Variants in GABRG1 observed in about 807,000 individuals in gnomAD.
GABRG1 encodes the protein gamma-aminobutyric acid type A receptor subunit gamma1, also known as gamma-aminobutyric acid receptor subunit gamma-1.
Under a neutral mutation model 49.8 loss-of-function variants are expected in GABRG1, and 49 were observed. The observed-to-expected ratio is 0.98, with a 90% confidence interval of 0.78 to 1.25. The LOEUF is 1.25. GABRG1 is among the 50% of genes most tolerant of loss of function. GABRG1 has a pLI of 0.00. For synonymous variants in GABRG1, 232 were observed against 185.1 expected (o/e 1.25, Z -2.06); for missense variants, 552 against 552.3 (o/e 1.00, Z 0.01).
At chr4:46,099,888 C>G (rs552871834) in intron 1 of GABRG1, among the ~76,000 whole-genome samples, 2 of 151,788 alleles carry the variant, frequency 1.3e-5, no homozygotes, top group Non-Finnish European at 2.9e-5. Context: ...AACACTGCTA[C>G]TCTGGTAGAA....
In GABRG1 at chr4:46,037,151, G is replaced by T. The variant is rs1024096139; in HGVS notation, c.*3837C>A. 1 of 151,746 alleles carries T rather than the reference G, an allele frequency of 6.6e-6. No homozygotes were observed. Among genetic ancestry groups the T allele is most frequent in the Non-Finnish European group, 1.5e-5 (1 of 67,828 alleles). The allele number at this position is 151,746 out of a possible 1,614,324, so 9.4% of individuals were successfully genotyped here. ...TCTCATCTTTCTGACTACATTATAT[G>T]TTCCTTGAAAGTCATCTTTATATTC... On this transcript the variant is annotated 3_prime_UTR_variant, in exon 9 of 9. Transcript: ENST00000295452.
At chr4:46,103,833 A>G (rs751690574) in intron 1 of GABRG1, among the ~76,000 whole-genome samples, 11 of 151,450 alleles carry the variant, frequency 7.3e-5, no homozygotes, top group East Asian at 3.9e-4. Flanking sequence ...GAGAAAAAGC[A>G]TAAGTGGTTA....
chr4:46,058,327 C>A lies in GABRG1; in HGVS notation c.806G>T (p.Arg269Ile), dbSNP rs768534395. The change falls in exon 7 of 9, where the codon AGA (arginine) becomes ATA (isoleucine). Residue 269 changes from arginine to isoleucine, a missense_variant. Coordinates refer to ENST00000295452, the MANE Select transcript of GABRG1 (RefSeq NM_173536.4). ...GGTCTGAATAGTGAAATATCCCATT[C>A]TTCTGCTCAGGTCAAAAAAAATTGT... is the stretch of plus-strand genomic sequence containing the variant. ...IMTIFFDLSR[R>I]MGYFTIQTYI... 2 of 1,612,914 alleles carry A rather than the reference C, an allele frequency of 1.2e-6. No homozygotes were observed. The highest frequency in any genetic ancestry group is 2.2e-5 in the East Asian group (1 of 44,796).
chr4:46,042,471 A>G (rs771686506), intron 8 of GABRG1, among the ~76,000 whole-genome samples: 1 of 151,924 alleles, frequency 6.6e-6, no homozygotes, highest in Non-Finnish European at 1.5e-5. Flanking sequence ...GTATTCAGCA[A>G]TTTCACTCTC....
chr4:46,109,552 T>C (rs923724294), intron 1 of GABRG1, among the ~76,000 whole-genome samples: 2 of 151,154 alleles, frequency 1.3e-5, no homozygotes, highest in Admixed American at 1.3e-4. Context: ...TTTCTTCTGC[T>C]AGTTTTGTGG....
At chr4:46,052,274 A>G (rs1039650240) in intron 7 of GABRG1, among the ~76,000 whole-genome samples, 4 of 149,114 alleles carry the variant, frequency 2.7e-5, no homozygotes, top group East Asian at 2.2e-4. Context: ...CATAAGCAAC[A>G]GATATTCTTC....
intron 7 of GABRG1, among the ~76,000 whole-genome samples, chr4:46,052,708 C>G (rs759002646): frequency 5.7e-4 from 86 of 151,886 alleles, no homozygotes; most frequent in Non-Finnish European, 9.6e-4. Context: ...ATTGTTTACT[C>G]TCTTAAAAGT....
intron 1 of GABRG1, among the ~76,000 whole-genome samples, chr4:46,104,210 G>C (rs1051065108): frequency 1.3e-5 from 2 of 151,344 alleles, no homozygotes; most frequent in East Asian, 3.9e-4. Flanking sequence ...CAGTTACTTA[G>C]AGAAATGACT....
At chr4:46,074,708 C>CT (rs1241110665) in intron 3 of GABRG1, among the ~76,000 whole-genome samples, 16 of 152,096 alleles carry the variant, frequency 1.1e-4, no homozygotes, top group African/African-American at 3.9e-4. Flanking sequence ...TAAGACAAAC[C>CT]TTTACTACAT....
chr4:46,051,273 G>A (rs961266097), intron 8 of GABRG1, 151 bp downstream of exon 8: 1 of 592,072 alleles, frequency 1.7e-6, no homozygotes, highest in South Asian at 2.2e-5. Flanking sequence ...TTCTTGGTGA[G>A]CAATGTTAGG....
At chr4:46,101,779 C>A (rs1720387871) in intron 1 of GABRG1, among the ~76,000 whole-genome samples, 1 of 151,562 alleles carries the variant, frequency 6.6e-6, no homozygotes, top group Admixed American at 6.6e-5. Flanking sequence ...ACAAAAAGTA[C>A]ACATCTATTG....
In GABRG1 at chr4:46,118,121, CGT is replaced by C. The variant is rs922561838; in HGVS notation, c.104+5687_104+5688del. Among the ~76,000 whole-genome samples, 72 of 84,448 alleles carry C rather than the reference CGT, an allele frequency of 8.5e-4. 12 individuals carry two copies. Among genetic ancestry groups the C allele is most frequent in the African/African-American group, 4.1e-3 (61 of 14,706 alleles). 55.4% of individuals were successfully genotyped at this position (84,448 alleles called of 152,430 possible). A position where few individuals can be genotyped will look rare whatever the true frequency, so the allele number is the denominator to read the frequency against. On this transcript the variant is annotated intron_variant, in intron 1 of 8. Transcript: ENST00000295452. ...ATATGTGTGTATATATACATATATACGTGTGTGTGTGTATATATATATATACA... is the reference window on the plus strand; with the variant it reads ...ATATGTGTGTATATATACATATATACGTGTGTGTGTATATATATATATACA...
chr4:46,079,455 T>C (rs929211597), intron 3 of GABRG1, among the ~76,000 whole-genome samples: 18 of 151,964 alleles, frequency 1.2e-4, no homozygotes. Flanking sequence ...CTGTGTGATA[T>C]ATCACTTTTG....
chr4:46,078,144 G>T (rs144652710), intron 3 of GABRG1, among the ~76,000 whole-genome samples: 21 of 151,786 alleles, frequency 1.4e-4, no homozygotes, highest in African/African-American at 4.6e-4. Context: ...TTAAAATACT[G>T]CAAACACCAA....
At chr4:46,094,724 G>T (rs1012182401) in intron 2 of GABRG1, among the ~76,000 whole-genome samples, 1 of 151,714 alleles carries the variant, frequency 6.6e-6, no homozygotes. Context: ...ATTTCTCCCC[G>T]ACCACAAAAT....
At chr4:46,097,107 A>T in intron 2 of GABRG1, 94 bp downstream of exon 2, 1 of 1,083,798 alleles carries the variant, frequency 9.2e-7, no homozygotes. Context: ...GACATACATC[A>T]GACACTCAAG....
At chr4:46,048,520 CTCTA>C (rs1426862327) in intron 8 of GABRG1, among the ~76,000 whole-genome samples, 1 of 149,272 alleles carries the variant, frequency 6.7e-6, no homozygotes, top group Non-Finnish European at 1.5e-5. Context: ...TAAATGGTTA[CTCTA>C]TCTATTGAAA....
At chr4:46,092,002 T>G (rs1720007254) in intron 2 of GABRG1, among the ~76,000 whole-genome samples, 1 of 151,930 alleles carries the variant, frequency 6.6e-6, no homozygotes, top group South Asian at 2.1e-4. Context: ...ATAGTAAAAG[T>G]CAGGAGAAAA....
chr4:46,123,885 G>A lies in GABRG1; in HGVS notation c.29C>T (p.Ser10Phe). ...ACTTTGACTCCGCAGAAGAAAAGGG[G>A]AGAAGAGAAAAGCTTTCAAAGGACC... MGPLKAFLF[S>F]PFLLRSQSRG... The change falls in exon 1 of 9, where the codon TCC (serine) becomes TTC (phenylalanine). Residue 10 changes from serine to phenylalanine, a missense_variant. Physicochemically the swap from Ser to Phe is radical, Grantham distance 155. Coordinates refer to ENST00000295452, the MANE Select transcript of GABRG1 (RefSeq NM_173536.4). 1 of 1,613,682 alleles carries A rather than the reference G, an allele frequency of 6.2e-7. No individual in the cohort carries two copies.
Sources: gnomAD v4.1 joint callset for allele counts (sites outside exome capture counted in the v4.1 genomes callset) on GRCh38, gnomAD v4.1.1 for gene constraint, MANE v1.5 for transcripts, NCBI Gene and HGNC (gene_info 2026-07-23, HGNC 2026-07-21) for gene names.